GOLM1: variants seen among roughly 807,000 people sequenced by gnomAD.
The protein encoded by GOLM1 is golgi membrane protein 1, also known as epididymis luminal protein 46.
GOLM1 carries 31 observed loss-of-function variants against 50.5 expected under a neutral mutation model. The observed-to-expected ratio is 0.61, with a 90% CI of 0.46 to 0.83. The LOEUF (loss-of-function observed/expected upper bound fraction) is 0.83. Among genes scored for constraint, GOLM1 ranks in the 40% least tolerant of loss-of-function variants. The pLI is 0.00. For synonymous variants in GOLM1, 178 were observed against 192.8 expected (o/e 0.92, Z 0.64); for missense variants, 491 against 501.3 (o/e 0.98, Z 0.20).
intron 7 of GOLM1, among the ~76,000 whole-genome samples, chr9:86,035,878 C>CAAAAAAAAA (rs1212918413): frequency 9.8e-6 from 1 of 101,546 alleles, no homozygotes; most frequent in Non-Finnish European, 1.9e-5. Context: ...AAAAAAAAAA[C>CAAAAAAAAA]AAAACAAAAA....
rs1247896068 is a variant in GOLM1, at chr9:86,035,504, G to T, written c.879C>A (p.Ala293=). 6.2e-7 allele frequency: 1 copy of T among 1,612,854 alleles called. No individual in the cohort carries two copies. The highest frequency in any genetic ancestry group is 1.3e-5 in the African/African-American group (1 of 74,880). The stretch of plus-strand genomic sequence containing the variant: ...CCTGTGGGGTCTGGCCCAGTTCTCC[G>T]GCTCCCCCGAAGCCTCTTCCACCTA... The part of the protein sequence containing the change: ...RPVGGRGFGG[A]GELGQTPQVQ... Residue 293 remains alanine (A), a synonymous_variant, in exon 8 of 10, where the codon GCC becomes GCA. Transcript: ENST00000388712.
intron 8 of GOLM1, chr9:86,035,150 T>G (rs1312777764): frequency 5.1e-6 from 5 of 985,322 alleles, no homozygotes; most frequent in African/African-American, 1.7e-5. Flanking sequence ...CTGCCAATAT[T>G]GCATCTAAAA....
chr9:86,084,478 C>G (rs1563967425), intron 1 of GOLM1, among the ~76,000 whole-genome samples: 1 of 152,104 alleles, frequency 6.6e-6, no homozygotes, highest in Non-Finnish European at 1.5e-5. Context: ...GGAGAAAATT[C>G]AGAGGAAGTC....
chr9:86,044,298 T>TG (rs1481400075), intron 5 of GOLM1, among the ~76,000 whole-genome samples: 1 of 152,260 alleles, frequency 6.6e-6, no homozygotes, highest in African/African-American at 2.4e-5. Context: ...TTCTATTGAC[T>TG]GGCTGCTCAT....
At chr9:86,080,966 C>A (rs1834763460) in intron 1 of GOLM1, among the ~76,000 whole-genome samples, 1 of 152,106 alleles carries the variant, frequency 6.6e-6, no homozygotes, top group Non-Finnish European at 1.5e-5. Flanking sequence ...CTCACTGAAG[C>A]CTCAAACTCT....
In GOLM1 at chr9:86,077,474, T is replaced by C. The variant is rs779841640; in HGVS notation, c.247A>G (p.Lys83Glu). Residue 83 changes from lysine to glutamate, a missense_variant, in exon 3 of 10, where the codon AAA becomes GAA. By Grantham distance (56) the Lys-to-Glu change is moderately conservative. Coordinates refer to ENST00000388712, the MANE Select transcript of GOLM1 (RefSeq NM_016548.4). ...ELEKQREQLD[K>E]IQSSHNFQLE... ...TGGAAGTTGTGGCTGGACTGGATTT[T>C]GTCAAGCTGCTCCCGCTGCTTCTCC... The C allele has an allele frequency of 2.5e-6, 4 of 1,614,018 alleles. No homozygotes were observed. The African/African-American group carries it at 5.3e-5, about 22-fold the overall frequency.
chr9:86,053,761 A>G (rs575996350), intron 3 of GOLM1, among the ~76,000 whole-genome samples: 169 of 10,306 alleles, frequency 0.016, 1 homozygote, highest in Non-Finnish European at 0.031. Flanking sequence ...TACTGCACAC[A>G]CCACACCAAA....
At position 86,042,065 on chromosome 9, in the gene GOLM1, C is replaced by T. The variant is rs570579060; in HGVS notation, c.468-1197G>A. The stretch of plus-strand genomic sequence containing the variant: ...CCGGGAGGCGGAGCTTGCAGTGAGC[C>T]GAGATCGCGCCACTGCACTCCAGCC... On this transcript the variant is annotated intron_variant, in intron 5 of 9. Transcript: ENST00000388712. Among the ~76,000 whole-genome samples, 680 of 152,192 alleles carry T rather than the reference C, an allele frequency of 4.5e-3. 2 individuals carry two copies. Among genetic ancestry groups the T allele is most frequent in the African/African-American group, 0.015 (608 of 41,526 alleles).
rs1832820384 is a variant in GOLM1 at position 86,027,470 on chromosome 9, T to C, written c.*347A>G. On this transcript the variant is annotated 3_prime_UTR_variant, in exon 10 of 10. Coordinates refer to ENST00000388712, the MANE Select transcript of GOLM1 (RefSeq NM_016548.4). ...CCTTCACAGCAGATGGACTCTTCTA[T>C]AGGTGGCTGTTAATTTACACAAAGT... The C allele has an allele frequency of 1.3e-5, 14 of 1,092,208 alleles. No individual in the cohort carries two copies. The South Asian group carries it at 3.6e-4, about 28-fold the overall frequency. The allele number at this position is 1,092,208 out of a possible 1,614,324, so 67.7% of individuals were successfully genotyped here. A position where few individuals can be genotyped will look rare whatever the true frequency, so the allele number is the denominator to read the frequency against.
At chr9:86,041,971 G>C (rs976046621) in intron 5 of GOLM1, among the ~76,000 whole-genome samples, 1 of 152,156 alleles carries the variant, frequency 6.6e-6, no homozygotes, top group Non-Finnish European at 1.5e-5. Flanking sequence ...CAAAAAATTG[G>C]CTGGGCATGG....
In GOLM1 at chr9:86,029,935, G is replaced by A. The variant is rs113692956; in HGVS notation, c.1130-2042C>T. On this transcript the variant is annotated intron_variant, in intron 9 of 9. Transcript: ENST00000388712. ...CCCAATTTAAAAGGTGGTTAGAGCCGGGGTGGTGGCTCACACCTGTAATCC... is the reference window on the plus strand; with the variant it reads ...CCCAATTTAAAAGGTGGTTAGAGCCAGGGTGGTGGCTCACACCTGTAATCC... 5.9e-5 allele frequency among the ~76,000 whole-genome samples: 9 copies of A among 152,326 alleles called. No individual in the cohort carries two copies. In the South Asian group the frequency reaches 8.3e-4, roughly 14 times the overall value.
At chr9:86,093,523 T>C (rs1835251839) in intron 1 of GOLM1, among the ~76,000 whole-genome samples, 1 of 151,500 alleles carries the variant, frequency 6.6e-6, no homozygotes, top group African/African-American at 2.4e-5. Context: ...TGAGTTGAGA[T>C]TGCGTCACTG....
chr9:86,048,027 C>A (rs1833610708), intron 4 of GOLM1, among the ~76,000 whole-genome samples: 1 of 115,952 alleles, frequency 8.6e-6, no homozygotes, highest in South Asian at 3.7e-4. Context: ...CATCCCTCCC[C>A]CCTCCCCCCA....
At chr9:86,050,205 C>A (rs1013267546) in intron 4 of GOLM1, among the ~76,000 whole-genome samples, 6 of 152,078 alleles carry the variant, frequency 3.9e-5, no homozygotes, top group South Asian at 2.1e-4. Context: ...CTTGCATCCC[C>A]GGGATGAAGG....
At chr9:86,064,292 C>G (rs1172864741) in intron 3 of GOLM1, among the ~76,000 whole-genome samples, 1 of 152,354 alleles carries the variant, frequency 6.6e-6, no homozygotes, top group Non-Finnish European at 1.5e-5. Flanking sequence ...TAGAAGTCTT[C>G]TGAGACAAAC....
At chr9:86,071,737 C>A (rs1834454704) in intron 3 of GOLM1, among the ~76,000 whole-genome samples, 1 of 152,042 alleles carries the variant, frequency 6.6e-6, no homozygotes, top group Admixed American at 6.6e-5. Context: ...CAATAACACT[C>A]TAATATTTTT....
At chr9:86,072,718 T>A (rs1425095748) in intron 3 of GOLM1, among the ~76,000 whole-genome samples, 1 of 152,244 alleles carries the variant, frequency 6.6e-6, no homozygotes, top group Non-Finnish European at 1.5e-5. Context: ...ATGATGGGGA[T>A]AGGCTCTGAG....
At chr9:86,037,056 G>C (rs1285505980) in intron 6 of GOLM1, among the ~76,000 whole-genome samples, 4 of 152,202 alleles carry the variant, frequency 2.6e-5, no homozygotes, top group Admixed American at 1.3e-4. Context: ...GCAAATATTT[G>C]GAAATTAAAC....
chr9:86,094,677 C>T (rs1835300201), intron 1 of GOLM1, among the ~76,000 whole-genome samples: 1 of 152,186 alleles, frequency 6.6e-6, no homozygotes, highest in South Asian at 2.1e-4. Context: ...CGTCTATAAT[C>T]CCAGCACTTT....
Sources: allele counts gnomAD v4.1 joint callset (sites outside exome capture counted in the v4.1 genomes callset), GRCh38; gene constraint gnomAD v4.1.1; transcripts MANE v1.5; gene names NCBI Gene and HGNC (gene_info 2026-07-23, HGNC 2026-07-21).